Variants in DCC observed in about 807,000 individuals in gnomAD.
DCC encodes the protein netrin receptor DCC.
DCC carries 58 observed loss-of-function variants against 172.5 expected under a neutral mutation model. The observed-to-expected ratio is 0.34, with a 90% confidence interval of 0.27 to 0.42. DCC has a LOEUF of 0.42. Ranked by LOEUF, DCC falls within the 10% of genes least tolerant of loss-of-function variation. The pLI is 1.00. For missense variants in DCC, 1,740 were observed against 1,791.0 expected, an observed-to-expected ratio of 0.97 and a Z score of 0.51; for synonymous variants, 709 against 644.5, an observed-to-expected ratio of 1.10 and a Z score of -1.52.
At position 52,721,683 on chromosome 18, in the gene DCC, A is replaced by C. The variant is rs535214523; in HGVS notation, c.92-30371A>C. Among the ~76,000 whole-genome samples the C allele has an allele frequency of 1.4e-4, 21 of 152,256 alleles. No individual in the cohort carries two copies. In the South Asian group the frequency reaches 4.4e-3, roughly 32 times the overall value. ...CCCTTAAGCCCCCTAATTTTTCTCT[A>C]AAGATGATGGTCTCTTGGTTACAGA... On this transcript the variant is annotated intron_variant, in intron 1 of 28. Transcript: ENST00000442544.
At chr18:53,469,860 A>C (rs2045674065) in intron 25 of DCC, among the ~76,000 whole-genome samples, 2 of 152,154 alleles carry the variant, frequency 1.3e-5, no homozygotes, top group African/African-American at 2.4e-5. Context: ...TCTCCACTGA[A>C]TCCATGATTG....
chr18:53,351,315 ACAC>A (rs1178763322), intron 15 of DCC, among the ~76,000 whole-genome samples: 20 of 19,614 alleles, frequency 1.0e-3, no homozygotes, highest in South Asian at 6.4e-3. Flanking sequence ...ATATATATAT[ACAC>A]TGTATATATA....
At chr18:53,088,539 T>C (rs1159877539) in intron 7 of DCC, among the ~76,000 whole-genome samples, 6 of 152,190 alleles carry the variant, frequency 3.9e-5, no homozygotes, top group Non-Finnish European at 8.8e-5. Flanking sequence ...TACAATCATG[T>C]CGTCTGCAAA....
At chr18:52,742,167 G>C (rs1035688611) in intron 1 of DCC, among the ~76,000 whole-genome samples, 4 of 152,066 alleles carry the variant, frequency 2.6e-5, no homozygotes, top group Admixed American at 6.6e-5. Context: ...TAAGTCTGTG[G>C]GAAACAAATC....
Position 52,907,109 on chromosome 18 carries a change from C to T in DCC, c.697+781C>T, listed in dbSNP as rs147183399. On this transcript the variant is annotated intron_variant, in intron 3 of 28. Transcript: ENST00000442544. ...ATTTATTCCCAGCACATACATGCAT[C>T]TATTTACATTTCCATTACATACACA... Among the ~76,000 whole-genome samples, 710 of 151,252 alleles carry T rather than the reference C, an allele frequency of 4.7e-3. 10 individuals carry two copies. Among genetic ancestry groups the T allele is most frequent in the Non-Finnish European group, 8.1e-3 (547 of 67,788 alleles).
intron 1 of DCC, among the ~76,000 whole-genome samples, chr18:52,376,026 A>T (rs189128528): frequency 1.2e-3 from 187 of 152,276 alleles, no homozygotes; most frequent in African/African-American, 4.3e-3. Flanking sequence ...AAAGACCTAG[A>T]TCCTGGAACC....
chr18:53,511,234 A>G (rs1246875312), intron 27 of DCC, among the ~76,000 whole-genome samples: 1 of 152,214 alleles, frequency 6.6e-6, no homozygotes, highest in Non-Finnish European at 1.5e-5. Context: ...GGTACTGATA[A>G]CCAGATGGGA....
intron 20 of DCC, among the ~76,000 whole-genome samples, chr18:53,411,488 A>T (rs1257270872): frequency 6.6e-6 from 1 of 152,194 alleles, no homozygotes; most frequent in Non-Finnish European, 1.5e-5. Context: ...ATCTGGCAGA[A>T]ATCTTAATAC....
At chr18:53,385,363 C>G (rs73467291) in intron 15 of DCC, among the ~76,000 whole-genome samples, 1 of 152,110 alleles carries the variant, frequency 6.6e-6, no homozygotes. Context: ...ATTTACTCTC[C>G]GGGCCTACGA....
chr18:53,484,288 G>T (rs992008863), intron 25 of DCC, among the ~76,000 whole-genome samples: 1 of 151,720 alleles, frequency 6.6e-6, no homozygotes, highest in Non-Finnish European at 1.5e-5. Context: ...ACAATAAAAA[G>T]CTGTACCAAA....
intron 1 of DCC, among the ~76,000 whole-genome samples, chr18:52,645,677 T>C (rs943806499): frequency 6.6e-6 from 1 of 151,628 alleles, no homozygotes; most frequent in Non-Finnish European, 1.5e-5. Flanking sequence ...AATTTAAAAA[T>C]AAAAAAAAAT....
chr18:52,799,792 G>T (rs537290466), intron 2 of DCC, among the ~76,000 whole-genome samples: 1 of 152,040 alleles, frequency 6.6e-6, no homozygotes, highest in South Asian at 2.1e-4. Flanking sequence ...CTGATACTTT[G>T]TTTTATCTGT....
chr18:52,793,167 G>A (rs1219430672), intron 2 of DCC, among the ~76,000 whole-genome samples: 1 of 152,134 alleles, frequency 6.6e-6, no homozygotes, highest in Non-Finnish European at 1.5e-5. Flanking sequence ...ATAGCCCATG[G>A]GGAAGGATTG....
intron 5 of DCC, among the ~76,000 whole-genome samples, chr18:52,985,096 T>A (rs9962633): frequency 0.76 from 114,798 of 151,854 alleles, 43,735 homozygotes; most frequent in African/African-American, 0.83. Context: ...ATTCGTGTTG[T>A]TGATTGTTCG....
At chr18:52,357,936 T>TAAA (rs59238295) in intron 1 of DCC, among the ~76,000 whole-genome samples, 35 of 123,366 alleles carry the variant, frequency 2.8e-4, no homozygotes, top group South Asian at 1.1e-3. Context: ...AGACTCTGTG[T>TAAA]AAAAAAAAAA....
At chr18:52,871,955 G>A (rs1267893173) in intron 2 of DCC, among the ~76,000 whole-genome samples, 1 of 152,024 alleles carries the variant, frequency 6.6e-6, no homozygotes, top group Non-Finnish European at 1.5e-5. Context: ...CAAGTCCTGG[G>A]TTACCTTAAC....
intron 5 of DCC, among the ~76,000 whole-genome samples, chr18:52,998,255 A>G (rs1309848790): frequency 6.6e-6 from 1 of 152,022 alleles, no homozygotes; most frequent in East Asian, 1.9e-4. Flanking sequence ...CTATAGTGAG[A>G]TCCATACAGA....
Position 53,512,109 on chromosome 18 carries a change from A to G in DCC, c.4111+12599A>G, listed in dbSNP as rs1187570983. ...AGTGGTTCTCCCAGCACGCAGCTGG[A>G]GATCTGAGAACGTGCAGACTGCCTC... On this transcript the variant is annotated intron_variant, in intron 27 of 28. Coordinates refer to ENST00000442544, the MANE Select transcript of DCC (RefSeq NM_005215.4). Among the ~76,000 whole-genome samples the G allele has an allele frequency of 1.1e-4, 17 of 152,234 alleles. No homozygotes were observed. The South Asian group carries it at 2.5e-3, about 22-fold the overall frequency.
chr18:52,887,804 C>T (rs1300206946), intron 2 of DCC, among the ~76,000 whole-genome samples: 1 of 151,974 alleles, frequency 6.6e-6, no homozygotes, highest in Admixed American at 6.6e-5. Context: ...TTTTTAAATC[C>T]AATTTTTCTC....
Sources: gnomAD v4.1 joint callset for allele counts (sites outside exome capture counted in the v4.1 genomes callset) on GRCh38, gnomAD v4.1.1 for gene constraint, MANE v1.5 for transcripts, NCBI Gene and HGNC (gene_info 2026-07-23, HGNC 2026-07-21) for gene names.